Variants in DGKK observed in about 807,000 individuals in gnomAD.
DGKK encodes the protein diacylglycerol kinase kappa.
In DGKK, 35 loss-of-function variants were observed where a neutral mutation model predicts 92.2. The ratio of observed to expected loss-of-function variants is 0.38; its 90% CI spans 0.29 to 0.50. The LOEUF is 0.50. DGKK is among the 20% of genes least tolerant of loss of function. The pLI is 0.92. For synonymous variants in DGKK, 368 were observed against 360.6 expected, an observed-to-expected ratio of 1.02 and a Z score of -0.23; for missense variants, 910 against 992.2, an observed-to-expected ratio of 0.92 and a Z score of 1.11.
chrX:50,382,213 T>C (rs1289429798), intron 18 of DGKK, among the ~76,000 whole-genome samples: 2 of 112,485 alleles, frequency 1.8e-5, no homozygotes, highest in African/African-American at 3.2e-5. Context: ...ATTTGCTAAA[T>C]TGAGTCAACA....
intron 1 of DGKK, among the ~76,000 whole-genome samples, chrX:50,434,387 G>A (rs1222844154): frequency 3.6e-5 from 4 of 112,019 alleles, no homozygotes; most frequent in African/African-American, 1.3e-4. Flanking sequence ...TAAGTGTCTA[G>A]TTCTAAGTCG....
chrX:50,410,018 A>G (rs1925266597), intron 4 of DGKK, among the ~76,000 whole-genome samples: 1 of 112,001 alleles, frequency 8.9e-6, no homozygotes, highest in Non-Finnish European at 1.9e-5. Context: ...GTGAGAAATA[A>G]TGTTTGCCGT....
At chrX:50,445,121 CTTTTTTTT>C (rs57163220) in intron 1 of DGKK, among the ~76,000 whole-genome samples, 3 of 67,469 alleles carry the variant, frequency 4.4e-5, no homozygotes, top group East Asian at 4.5e-4. Context: ...CCTTTGCCCA[CTTTTTTTT>C]TTTTTTTTTT....
intron 4 of DGKK, among the ~76,000 whole-genome samples, chrX:50,414,184 T>C (rs1190233076): frequency 9.0e-6 from 1 of 111,190 alleles, no homozygotes; most frequent in African/African-American, 3.3e-5. Context: ...GAGAATAGAA[T>C]GGTGGTTGAG....
At chrX:50,399,444 A>T (rs1478892505) in intron 8 of DGKK, among the ~76,000 whole-genome samples, 1 of 112,210 alleles carries the variant, frequency 8.9e-6, no homozygotes, top group Non-Finnish European at 1.9e-5. Flanking sequence ...GAAGTGAGCA[A>T]CTAGCATCTA....
At chrX:50,388,494 G>T (rs1557225222) in intron 13 of DGKK, 33 bp downstream of exon 13, 2 of 1,114,309 alleles carry the variant, frequency 1.8e-6, no homozygotes, top group Non-Finnish European at 2.5e-6. Context: ...CCTGGGAACA[G>T]CCCCAAAGGA....
In DGKK at chrX:50,386,558, A is replaced by G; in HGVS notation, c.2147T>C (p.Val716Ala). 1 of 1,210,601 alleles carries G rather than the reference A, an allele frequency of 8.3e-7. No homozygotes were observed. The highest frequency in any genetic ancestry group is 1.7e-5 in the African/African-American group (1 of 57,750). ...CTCCTCAGCCAGGACATCGATCAGG[A>G]CACTGAGCCTATCATACATTAAGTC... ...KSDLMYDRLS[V>A]LIDVLAEEAA... The change falls in exon 15 of 28, where the codon GTC becomes GCC. Residue 716 changes from valine (V) to alanine (A), a missense_variant. Coordinates refer to ENST00000611977, the MANE Select transcript of DGKK (RefSeq NM_001013742.4).
intron 10 of DGKK, 138 bp downstream of exon 10, chrX:50,392,203 C>T: frequency 2.2e-6 from 1 of 457,772 alleles, no homozygotes. Context: ...GGGAATCTAC[C>T]AGTCAGGCTG....
At position 50,391,583 on chromosome X, in the gene DGKK, G is replaced by A; in HGVS notation, c.1705-7C>T. On this transcript the variant is annotated splice_region_variant and splice_polypyrimidine_tract_variant and intron_variant, in intron 10 of 27. Transcript: ENST00000611977. ...GGATGACTGCCAACTGACACTGCAA[G>A]AACAAAAGGAGACACCCTTTTCAGA... 1 of 1,210,661 alleles carries A rather than the reference G, an allele frequency of 8.3e-7. No individual in the cohort carries two copies. The highest frequency in any genetic ancestry group is 1.1e-6 in the Non-Finnish European group (1 of 894,721).
chrX:50,415,073 C>T (rs182022372), intron 4 of DGKK, among the ~76,000 whole-genome samples: 83 of 111,857 alleles, frequency 7.4e-4, no homozygotes, highest in African/African-American at 2.5e-3. Flanking sequence ...AAACCAATGC[C>T]CAGCAGAGCT....
intron 1 of DGKK, among the ~76,000 whole-genome samples, chrX:50,452,011 C>G (rs541269920): frequency 8.9e-6 from 1 of 112,061 alleles, no homozygotes; most frequent in Admixed American, 9.5e-5. Flanking sequence ...TAGGGGCTAC[C>G]ATAGTTTTAA....
intron 24 of DGKK, 139 bp downstream of exon 24, chrX:50,375,885 C>T (rs2147117938): frequency 1.3e-6 from 1 of 744,635 alleles, no homozygotes; most frequent in East Asian, 3.6e-5. Context: ...GAATGCCTGC[C>T]TTCCCGTCCA....
intron 25 of DGKK, among the ~76,000 whole-genome samples, chrX:50,372,042 G>C (rs1924146346): frequency 9.0e-6 from 1 of 111,134 alleles, no homozygotes; most frequent in Non-Finnish European, 1.9e-5. Flanking sequence ...GGCTGGGCAT[G>C]CTTACAGTTT....
intron 1 of DGKK, among the ~76,000 whole-genome samples, chrX:50,431,934 C>T (rs1925900159): frequency 9.0e-6 from 1 of 111,558 alleles, no homozygotes; most frequent in Non-Finnish European, 1.9e-5. Flanking sequence ...GAATACCTTA[C>T]AGAGCATGTG....
At chrX:50,460,389 G>C (rs1926714205) in intron 1 of DGKK, among the ~76,000 whole-genome samples, 1 of 111,587 alleles carries the variant, frequency 9.0e-6, no homozygotes, top group Non-Finnish European at 1.9e-5. Flanking sequence ...GCAGGGAAAA[G>C]GCTCAGTCCT....
intron 1 of DGKK, among the ~76,000 whole-genome samples, chrX:50,463,230 C>G (rs192104430): frequency 9.5e-6 from 1 of 104,864 alleles, no homozygotes; most frequent in Non-Finnish European, 2.0e-5. Context: ...GCCACCTTCA[C>G]TCTATCCTAC....
chrX:50,446,936 C>T (rs1301846065), intron 1 of DGKK, among the ~76,000 whole-genome samples: 1 of 110,048 alleles, frequency 9.1e-6, no homozygotes, highest in South Asian at 3.9e-4. Flanking sequence ...TGTACGCTGA[C>T]TGGTCTAACT....
intron 8 of DGKK, among the ~76,000 whole-genome samples, chrX:50,395,985 A>G (rs1323398211): frequency 9.0e-6 from 1 of 111,586 alleles, no homozygotes; most frequent in Non-Finnish European, 1.9e-5. Context: ...TTTTTCATAT[A>G]GACGTGTATG....
At chrX:50,407,781 G>C (rs1925195891) in intron 4 of DGKK, among the ~76,000 whole-genome samples, 1 of 112,138 alleles carries the variant, frequency 8.9e-6, no homozygotes, top group African/African-American at 3.2e-5. Flanking sequence ...AGTGTGCCCT[G>C]CAGAGAACAT....
Sources: gnomAD v4.1 joint callset for allele counts (sites outside exome capture counted in the v4.1 genomes callset) on GRCh38, gnomAD v4.1.1 for gene constraint, MANE v1.5 for transcripts, NCBI Gene and HGNC (gene_info 2026-07-23, HGNC 2026-07-21) for gene names.